CHD7: variants seen among roughly 807,000 people sequenced by gnomAD.
CHD7 encodes ATP-dependent chromatin remodeler CHD7.
CHD7 carries 24 observed loss-of-function variants against 307.3 expected under a neutral mutation model. That is an observed-to-expected ratio of 0.08 (90% confidence interval 0.06 to 0.11). The LOEUF (loss-of-function observed/expected upper bound fraction) is 0.11, where lower values mean the gene tolerates loss of function less well. Ranked by LOEUF, CHD7 falls within the 10% of genes least tolerant of loss-of-function variation. CHD7 has a pLI of 1.00. For synonymous variants in CHD7, 1,363 were observed against 1,349.9 expected (o/e 1.01, Z -0.21); for missense variants, 3,106 against 3,727.1 (o/e 0.83, Z 4.34).
At chr8:60,720,401 C>T (rs1371199382) in intron 1 of CHD7, among the ~76,000 whole-genome samples, 2 of 152,200 alleles carry the variant, frequency 1.3e-5, no homozygotes, top group Non-Finnish European at 2.9e-5. Context: ...ACATTCCTTT[C>T]AGTGGTGTAT....
intron 8 of CHD7, among the ~76,000 whole-genome samples, chr8:60,818,819 T>G (rs1168705761): frequency 2.6e-5 from 4 of 152,238 alleles, no homozygotes. Flanking sequence ...GACTTCTAGT[T>G]TACCTTTTGC....
chr8:60,678,942 C>CTG lies in CHD7; in HGVS notation c.-315_-314insTG, dbSNP rs1486607266. The CTG allele has an allele frequency of 6.6e-6, 1 of 152,050 alleles. No homozygotes were observed. Among genetic ancestry groups the CTG allele is most frequent in the African/African-American group, 2.4e-5 (1 of 41,344 alleles). The allele number at this position is 152,050 out of a possible 1,614,324, so 9.4% of individuals were successfully genotyped here. A position where few individuals can be genotyped will look rare whatever the true frequency, so the allele number is the denominator to read the frequency against. ...CCGGGGACCCGGACACCCTGAAACT[C>CTG]ACCAGAGACCCGTTCGCCCCCGGCC... On this transcript the variant is annotated 5_prime_UTR_variant, in exon 1 of 38. Coordinates refer to ENST00000423902, the MANE Select transcript of CHD7 (RefSeq NM_017780.4).
chr8:60,730,828 C>G (rs1760826444), intron 1 of CHD7, among the ~76,000 whole-genome samples: 1 of 151,816 alleles, frequency 6.6e-6, no homozygotes, highest in African/African-American at 2.4e-5. Context: ...CCACTGCACT[C>G]CAGCCTGGGC....
intron 1 of CHD7, among the ~76,000 whole-genome samples, chr8:60,685,320 CT>C (rs1266228467): frequency 6.6e-6 from 1 of 152,240 alleles, no homozygotes; most frequent in African/African-American, 2.4e-5. Flanking sequence ...GGAAGCCTTA[CT>C]TGCTGAATAC....
intron 2 of CHD7, among the ~76,000 whole-genome samples, chr8:60,780,666 T>C (rs1211742199): frequency 6.6e-6 from 1 of 152,248 alleles, no homozygotes; most frequent in Non-Finnish European, 1.5e-5. Context: ...TGTGGCTTAG[T>C]CTTGGTGCTG....
Position 60,685,413 on chromosome 8 carries a change from G to A in CHD7, c.-175+6331G>A, listed in dbSNP as rs527360008. Among the ~76,000 whole-genome samples, 12 of 152,300 alleles carry A rather than the reference G, an allele frequency of 7.9e-5. No individual in the cohort carries two copies. In the South Asian group the frequency reaches 2.5e-3, roughly 32 times the overall value. ...TCCAGGTTGAGCGTAGAATCCTGTG[G>A]TAACCAGACCTTGGCACATTTTGTT... On this transcript the variant is annotated intron_variant, in intron 1 of 37. Coordinates refer to ENST00000423902, the MANE Select transcript of CHD7 (RefSeq NM_017780.4).
Position 60,854,380 on chromosome 8 carries a change from G to A in CHD7, c.6793G>A (p.Gly2265Arg), listed in dbSNP as rs368750638. The part of the protein sequence containing the change: ...SQPEAGAVSR[G>R]KNFDEESNAS... Reference sequence around the variant, plus strand: ...TTTCTCAGCAGGAGCTGTCTCTAGAGGGAAGAATTTTGATGAAGAAAGCAA... The same window carrying A: ...TTTCTCAGCAGGAGCTGTCTCTAGAAGGAAGAATTTTGATGAAGAAAGCAA... The change falls in exon 32 of 38, where the codon GGG (glycine) becomes AGG (arginine). Residue 2265 changes from glycine (G) to arginine (R), a missense_variant. By Grantham distance (125) the Gly-to-Arg change is moderately radical (BLOSUM62 -2). Around this residue, in one of 10 missense-constraint regions of CHD7, gnomAD observed 1,030 missense variants for 1,165.4 expected, o/e 0.88. Transcript: ENST00000423902. The A allele has an allele frequency of 4.7e-5, 76 of 1,613,568 alleles. 2 individuals carry two copies. Among genetic ancestry groups the A allele is most frequent in the Non-Finnish European group, 4.4e-5 (52 of 1,179,728 alleles).
chr8:60,787,655 G>T (rs1157560768), intron 3 of CHD7, among the ~76,000 whole-genome samples: 1 of 152,004 alleles, frequency 6.6e-6, no homozygotes, highest in Non-Finnish European at 1.5e-5. Flanking sequence ...ATATAATTTT[G>T]TGGGAGTTAG....
chr8:60,844,567 A>G (rs1406507799), intron 21 of CHD7, among the ~76,000 whole-genome samples: 1 of 152,176 alleles, frequency 6.6e-6, no homozygotes, highest in Non-Finnish European at 1.5e-5. Flanking sequence ...CCTCGGATGC[A>G]CTCATGTCCT....
At chr8:60,725,361 T>C (rs1302779821) in intron 1 of CHD7, among the ~76,000 whole-genome samples, 1 of 152,246 alleles carries the variant, frequency 6.6e-6, no homozygotes, top group African/African-American at 2.4e-5. Context: ...ATCTGTATAG[T>C]CCGGAATTCT....
At chr8:60,680,481 C>A (rs1309137757) in intron 1 of CHD7, among the ~76,000 whole-genome samples, 1 of 150,846 alleles carries the variant, frequency 6.6e-6, no homozygotes, top group African/African-American at 2.4e-5. Flanking sequence ...GGGAAGGAGC[C>A]GCCGGCCCCG....
At chr8:60,778,246 A>C (rs188244156) in intron 2 of CHD7, among the ~76,000 whole-genome samples, 220 of 152,252 alleles carry the variant, frequency 1.4e-3, no homozygotes, top group African/African-American at 5.0e-3. Context: ...AGATTTAAGG[A>C]GATGTGGGTC....
At chr8:60,810,105 G>T (rs1256879918) in intron 7 of CHD7, among the ~76,000 whole-genome samples, 1 of 152,178 alleles carries the variant, frequency 6.6e-6, no homozygotes, top group Non-Finnish European at 1.5e-5. Flanking sequence ...TTTGGTCAGT[G>T]GGAGCCCCTT....
intron 1 of CHD7, among the ~76,000 whole-genome samples, chr8:60,681,319 G>A (rs1805617474): frequency 6.6e-6 from 1 of 152,114 alleles, no homozygotes; most frequent in Non-Finnish European, 1.5e-5. Context: ...TACATCTGTC[G>A]CGCAGTGTTT....
At chr8:60,681,128 C>A (rs1345652876) in intron 1 of CHD7, among the ~76,000 whole-genome samples, 1 of 152,114 alleles carries the variant, frequency 6.6e-6, no homozygotes, top group African/African-American at 2.4e-5. Context: ...CTTCACTGAT[C>A]TTGTCTGACG....
intron 1 of CHD7, among the ~76,000 whole-genome samples, chr8:60,719,762 C>G (rs1313022216): frequency 1.3e-5 from 2 of 152,132 alleles, no homozygotes; most frequent in African/African-American, 4.8e-5. Flanking sequence ...TGAGAAAATC[C>G]GGCAACCAAC....
chr8:60,785,151 G>A (rs1811437151), intron 3 of CHD7, among the ~76,000 whole-genome samples: 1 of 152,164 alleles, frequency 6.6e-6, no homozygotes, highest in African/African-American at 2.4e-5. Context: ...TTTGGAGGAA[G>A]TGCTTCCTTT....
At chr8:60,783,534 A>G (rs1266235213) in intron 3 of CHD7, among the ~76,000 whole-genome samples, 1 of 152,222 alleles carries the variant, frequency 6.6e-6, no homozygotes, top group East Asian at 1.9e-4. Context: ...GCTTTGCACC[A>G]GAGTCACAAG....
In CHD7 at chr8:60,691,885, T is replaced by C. The variant is rs577395289; in HGVS notation, c.-175+12803T>C. Among the ~76,000 whole-genome samples the C allele has an allele frequency of 6.6e-5, 10 of 152,208 alleles. No individual in the cohort carries two copies. The South Asian group carries it at 1.7e-3, about 25-fold the overall frequency. On this transcript the variant is annotated intron_variant, in intron 1 of 37. Transcript: ENST00000423902. ...GGTAAGCTTAGAATGCCTGAAAAAATAGATATTTATTGGGAGTTAGAATTA... is the reference window on the plus strand; with the variant it reads ...GGTAAGCTTAGAATGCCTGAAAAAACAGATATTTATTGGGAGTTAGAATTA...
Sources: gnomAD v4.1 joint callset for allele counts (sites outside exome capture counted in the v4.1 genomes callset) on GRCh38, gnomAD v4.1.1 for gene constraint, gnomAD v4.1.1 regional missense constraint, MANE v1.5 for transcripts, NCBI Gene and HGNC (gene_info 2026-07-23, HGNC 2026-07-21) for gene names.